PARP6: variants seen among roughly 807,000 people sequenced by gnomAD.
The protein encoded by PARP6 is poly(ADP-ribose) polymerase family member 6, also known as protein mono-ADP-ribosyltransferase PARP6.
PARP6 carries 27 observed loss-of-function variants against 92.0 expected under a neutral mutation model. That is an observed-to-expected ratio of 0.29 (90% CI 0.22 to 0.40). PARP6 has a LOEUF of 0.40. Ranked by LOEUF, PARP6 falls within the 10% of genes least tolerant of loss-of-function variation. The pLI is 1.00. For synonymous variants in PARP6, 272 were observed against 281.2 expected, an observed-to-expected ratio of 0.97 and a Z score of 0.33; for missense variants, 501 against 784.5, an observed-to-expected ratio of 0.64 and a Z score of 4.32.
intron 8 of PARP6, among the ~76,000 whole-genome samples, chr15:72,263,411 CTT>C (rs796530596): frequency 7.2e-5 from 11 of 152,270 alleles, no homozygotes; most frequent in African/African-American, 1.4e-4. Flanking sequence ...GTTCTGGTCT[CTT>C]GTCTCATCCC....
chr15:72,262,164 T>C (rs1465750252), intron 8 of PARP6, among the ~76,000 whole-genome samples: 1 of 152,234 alleles, frequency 6.6e-6, no homozygotes, highest in African/African-American at 2.4e-5. Flanking sequence ...GGTTTCCAAT[T>C]TGAGCTGCGC....
chr15:72,260,297 AGAGT>A (rs899993690), intron 10 of PARP6, among the ~76,000 whole-genome samples, 177 bp downstream of exon 10: 1 of 152,206 alleles, frequency 6.6e-6, no homozygotes, highest in African/African-American at 2.4e-5. Context: ...CCTGGATGAC[AGAGT>A]GAGACCCTGT....
At position 72,267,614 on chromosome 15, in the gene PARP6, A is replaced by G; in HGVS notation, c.-137T>C. 2.3e-6 allele frequency: 2 copies of G among 865,862 alleles called. No individual in the cohort carries two copies. Among genetic ancestry groups the G allele is most frequent in the South Asian group, 1.4e-5 (1 of 69,958 alleles). The allele number at this position is 865,862 out of a possible 1,614,324, so 53.6% of individuals were successfully genotyped here. On this transcript the variant is annotated 5_prime_UTR_variant, in exon 3 of 24. Coordinates refer to ENST00000569795, the MANE Select transcript of PARP6 (RefSeq NM_001323532.2). ...AAGGTAGGGCACGATGTCAGGGACA[A>G]CTGGTGATCTGTTGGGGATGGCAGG...
At chr15:72,265,634 G>GAT (rs2086483403) in intron 5 of PARP6, among the ~76,000 whole-genome samples, 161 bp from the exon 6 acceptor site, 1 of 152,206 alleles carries the variant, frequency 6.6e-6, no homozygotes, top group African/African-American at 2.4e-5. Flanking sequence ...CCACTTACCT[G>GAT]ATCAGGATCT....
At chr15:72,267,971 C>T (rs1284156185) in intron 2 of PARP6, among the ~76,000 whole-genome samples, 4 of 152,154 alleles carry the variant, frequency 2.6e-5, no homozygotes, top group Non-Finnish European at 4.4e-5. Context: ...AGGCTGGTCT[C>T]GAACTCCCGA....
chr15:72,243,397 C>T (rs4776588), intron 20 of PARP6: 146,932 of 152,282 alleles, frequency 0.96, 71,119 homozygotes, highest in East Asian at 1. Flanking sequence ...ACATTAAAAA[C>T]CTGACCAGTC....
intron 8 of PARP6, among the ~76,000 whole-genome samples, chr15:72,263,518 C>T (rs2086168596): frequency 6.6e-6 from 1 of 152,160 alleles, no homozygotes; most frequent in Non-Finnish European, 1.5e-5. Flanking sequence ...GTTCACACTG[C>T]CTAAAGGATA....
intron 18 of PARP6, 63 bp downstream of exon 18, chr15:72,250,782 G>T: frequency 1.2e-6 from 1 of 825,730 alleles, no homozygotes; most frequent in Non-Finnish European, 2.0e-6. Context: ...TATCTCAAGG[G>T]CATCCTTCTT....
At chr15:72,249,052 T>C (rs1272453620) in intron 20 of PARP6, 193 bp downstream of exon 20, 1 of 416,648 alleles carries the variant, frequency 2.4e-6, no homozygotes, top group African/African-American at 2.0e-5. Context: ...TAACAATAAC[T>C]GGCCTCACCT....
Position 72,242,055 on chromosome 15 carries a change from C to A in PARP6, c.1706-70G>T. The stretch of plus-strand genomic sequence containing the variant: ...ACAGAGTCCAGGCAGGAGAAGGAAG[C>A]CATGCCACTTCAACATCACTCTTGG... On this transcript the variant is annotated intron_variant, in intron 22 of 23. Transcript: ENST00000569795. The surrounding 1 kb of genome is among the most constrained non-coding windows in gnomAD (Gnocchi z 4.3). 6.9e-7 allele frequency: 1 copy of A among 1,449,832 alleles called. No individual in the cohort carries two copies. Among genetic ancestry groups the A allele is most frequent in the Non-Finnish European group, 9.7e-7 (1 of 1,030,396 alleles). 89.8% of individuals were successfully genotyped at this position (1,449,832 alleles called of 1,614,324 possible).
At chr15:72,264,987 A>T in intron 7 of PARP6, 94 bp downstream of exon 7, 1 of 796,406 alleles carries the variant, frequency 1.3e-6, no homozygotes, top group Non-Finnish European at 2.2e-6. Context: ...GAGCCCAAGG[A>T]CCTTGTTCCT....
At chr15:72,257,684 A>G (rs142706619) in intron 12 of PARP6, among the ~76,000 whole-genome samples, 1 of 152,294 alleles carries the variant, frequency 6.6e-6, no homozygotes, top group East Asian at 1.9e-4. Flanking sequence ...CTCTCACCTG[A>G]TTTTTAACAA....
At chr15:72,270,202 T>C (rs73438458) in intron 2 of PARP6, among the ~76,000 whole-genome samples, 3,632 of 152,154 alleles carry the variant, frequency 0.024, 140 homozygotes, top group African/African-American at 0.084. Flanking sequence ...AAAGTATAAC[T>C]AAAGTTCTTA....
chr15:72,265,413 A>G lies in PARP6; in HGVS notation c.237T>C (p.Asp79=). Residue 79 remains aspartate (D), a splice_region_variant and synonymous_variant, in exon 6 of 24, where the codon GAT becomes GAC. Coordinates refer to ENST00000569795, the MANE Select transcript of PARP6 (RefSeq NM_001323532.2). ...GTTGGCAGGTACTAGCCCCACTTAC[A>G]TCGAGGAAGCTGATGTTGATGTGGA... ...IDLHINISFL[D]EEVSTAWKVL... is the part of the protein sequence containing the mutation. 6.2e-7 allele frequency: 1 copy of G among 1,613,028 alleles called. No individual in the cohort carries two copies. The highest frequency in any genetic ancestry group is 8.5e-7 in the Non-Finnish European group (1 of 1,178,924).
At chr15:72,248,011 TCTGCCCA>T (rs2140924869) in intron 20 of PARP6, among the ~76,000 whole-genome samples, 1 of 152,264 alleles carries the variant, frequency 6.6e-6, no homozygotes, top group African/African-American at 2.4e-5. Context: ...CCTCAAGTGA[TCTGCCCA>T]CATCAGCCTC....
intron 16 of PARP6, among the ~76,000 whole-genome samples, chr15:72,252,223 C>T (rs140417990): frequency 1.3e-5 from 2 of 152,230 alleles, no homozygotes; most frequent in African/African-American, 4.8e-5. Context: ...AAGGGGATAG[C>T]AGGAGGAGAC....
At position 72,241,862 on chromosome 15, in the gene PARP6, C is replaced by T. The variant is rs546830227; in HGVS notation, c.1790+39G>A. 4.6e-5 allele frequency: 66 copies of T among 1,437,522 alleles called. 1 individual carries two copies. The South Asian group carries it at 7.0e-4, about 15-fold the overall frequency. 89.0% of individuals were successfully genotyped at this position (1,437,522 alleles called of 1,614,324 possible). ...CCACACACCATCACACCCCCAACCT[C>T]ACTCCTCGAGTAATCCCCAGAGTCC... On this transcript the variant is annotated intron_variant, in intron 23 of 23. Transcript: ENST00000569795. This position sits in a 1 kb window ranked among gnomAD's most constrained non-coding sequence, Gnocchi z 4.1.
intron 16 of PARP6, among the ~76,000 whole-genome samples, chr15:72,251,619 G>A (rs2084367898): frequency 6.6e-6 from 1 of 152,150 alleles, no homozygotes; most frequent in Admixed American, 6.5e-5. Context: ...CAAGAGGTCT[G>A]AATTAGAATG....
At chr15:72,266,960 C>T (rs2086682656) in intron 3 of PARP6, 138 bp from the exon 4 acceptor site, 6 of 666,520 alleles carry the variant, frequency 9.0e-6, no homozygotes, top group Non-Finnish European at 1.4e-5. Flanking sequence ...TCCCTTTACA[C>T]CTTTCATGTC....
Sources: allele counts gnomAD v4.1 joint callset (sites outside exome capture counted in the v4.1 genomes callset), GRCh38; gene constraint gnomAD v4.1.1; non-coding constraint Gnocchi (gnomAD v3.1); transcripts MANE v1.5; gene names NCBI Gene and HGNC (gene_info 2026-07-23, HGNC 2026-07-21).